The following FSTL5 variants were observed in gnomAD, a reference collection of about 807,000 sequenced individuals.
FSTL5 encodes the protein follistatin-related protein 5.
In FSTL5, 62 loss-of-function variants were observed where a neutral mutation model predicts 89.1. The ratio of observed to expected loss-of-function variants is 0.70; its 90% confidence interval spans 0.57 to 0.86. The LOEUF is 0.86. Ranked by LOEUF, FSTL5 falls within the 40% of genes least tolerant of loss-of-function variation. FSTL5 has a pLI of 0.00. For missense variants in FSTL5, 1,057 were observed against 1,001.6 expected (o/e 1.06, Z -0.75); for synonymous variants, 383 against 346.2 (o/e 1.11, Z -1.18).
At chr4:162,048,273 G>A (rs1419848000) in intron 2 of FSTL5, among the ~76,000 whole-genome samples, 1 of 152,110 alleles carries the variant, frequency 6.6e-6, no homozygotes, top group East Asian at 1.9e-4. Flanking sequence ...GTTGCAGTGA[G>A]CGGCGATGGT....
At chr4:161,446,947 G>C (rs1732966408) in intron 15 of FSTL5, among the ~76,000 whole-genome samples, 1 of 151,718 alleles carries the variant, frequency 6.6e-6, no homozygotes, top group South Asian at 2.1e-4. Context: ...TCATATGTAA[G>C]ACAGAAAAAA....
intron 5 of FSTL5, among the ~76,000 whole-genome samples, chr4:161,766,819 C>T (rs556541501): frequency 6.6e-6 from 1 of 151,954 alleles, no homozygotes; most frequent in South Asian, 2.1e-4. Flanking sequence ...CCAAGCAAGT[C>T]GTTTTCCAGA....
intron 4 of FSTL5, among the ~76,000 whole-genome samples, chr4:161,883,795 T>C (rs1273099007): frequency 3.9e-5 from 6 of 152,294 alleles, no homozygotes; most frequent in Middle Eastern, 3.4e-3. Flanking sequence ...ATTCATCTAA[T>C]GATGTTACCG....
chr4:161,863,969 T>A (rs1444790709), intron 4 of FSTL5, among the ~76,000 whole-genome samples: 1 of 152,232 alleles, frequency 6.6e-6, no homozygotes, highest in Non-Finnish European at 1.5e-5. Flanking sequence ...TGTCTATTGT[T>A]TTTGTTGACA....
At chr4:161,640,422 G>A (rs754367659) in intron 7 of FSTL5, among the ~76,000 whole-genome samples, 4 of 152,104 alleles carry the variant, frequency 2.6e-5, no homozygotes, top group Admixed American at 6.5e-5. Flanking sequence ...TGTGAAGAAC[G>A]TGAAGAAAAG....
At chr4:161,815,853 C>T (rs573753179) in intron 4 of FSTL5, among the ~76,000 whole-genome samples, 61 of 152,052 alleles carry the variant, frequency 4.0e-4, no homozygotes, top group Middle Eastern at 3.4e-3. Context: ...ACCTAATATG[C>T]TATTGAAGGA....
chr4:161,730,310 T>C (rs529725107), intron 6 of FSTL5, among the ~76,000 whole-genome samples: 2 of 152,266 alleles, frequency 1.3e-5, no homozygotes, highest in South Asian at 2.1e-4. Context: ...ATGAGTTGTT[T>C]TGAGTCAGTG....
At chr4:161,591,620 T>C (rs369536784) in intron 7 of FSTL5, among the ~76,000 whole-genome samples, 1 of 152,184 alleles carries the variant, frequency 6.6e-6, no homozygotes, top group Admixed American at 6.5e-5. Flanking sequence ...GAAAGAATAA[T>C]TGACATATTT....
intron 4 of FSTL5, among the ~76,000 whole-genome samples, chr4:161,794,808 T>G (rs1729580910): frequency 6.6e-6 from 1 of 152,138 alleles, no homozygotes; most frequent in Non-Finnish European, 1.5e-5. Flanking sequence ...CAATTAAGTT[T>G]TAAGACATAG....
rs542573835 is a variant in FSTL5 at position 161,633,695 on chromosome 4, C to T, written c.894+22633G>A. ...TTAAGAGTATATCTTTCTAAAATAT[C>T]ATGCTAGAGTGTTTAGTAACTAGAT... On this transcript the variant is annotated intron_variant, in intron 7 of 15. Coordinates refer to ENST00000306100, the MANE Select transcript of FSTL5 (RefSeq NM_020116.5). 7.2e-4 allele frequency among the ~76,000 whole-genome samples: 110 copies of T among 152,140 alleles called. 1 individual carries two copies. Among genetic ancestry groups the T allele is most frequent in the Admixed American group, 7.1e-3 (108 of 15,272 alleles).
chr4:161,411,086 G>A (rs562996485), intron 15 of FSTL5, among the ~76,000 whole-genome samples: 2 of 145,248 alleles, frequency 1.4e-5, no homozygotes, highest in East Asian at 4.2e-4. Context: ...AGAAATTCTA[G>A]AAGAAATGAA....
chr4:161,437,562 T>A (rs1332909368), intron 15 of FSTL5, among the ~76,000 whole-genome samples: 2 of 9,482 alleles, frequency 2.1e-4, no homozygotes, highest in Non-Finnish European at 4.4e-4. Flanking sequence ...TGAGACTCCG[T>A]CTCAAAAAAA....
At chr4:161,388,207 T>C (rs1031754214) in intron 15 of FSTL5, 1 of 152,100 alleles carries the variant, frequency 6.6e-6, no homozygotes, top group African/African-American at 2.4e-5. Flanking sequence ...TGTAGCTTAT[T>C]TGCTAACTGT....
chr4:162,112,168 C>T (rs1020608215), intron 1 of FSTL5, among the ~76,000 whole-genome samples: 3 of 152,136 alleles, frequency 2.0e-5, no homozygotes, highest in Admixed American at 6.6e-5. Flanking sequence ...CGCCAACACA[C>T]CTCCTTCCCT....
chr4:161,785,015 T>A (rs532599987), intron 4 of FSTL5, among the ~76,000 whole-genome samples: 119 of 152,284 alleles, frequency 7.8e-4, no homozygotes, highest in Admixed American at 2.2e-3. Context: ...GGCACTGTTG[T>A]GTTTTACAGA....
rs1730117058 is a variant in FSTL5, at chr4:161,497,259, TA to T, written c.1458+2756del. On this transcript the variant is annotated intron_variant, in intron 12 of 15. Transcript: ENST00000306100. ...AGGAATGAAAAATGACAGAGTAATATAAAATGAGTTTAATTTACTCTAGCCT... is the reference window on the plus strand; with the variant it reads ...AGGAATGAAAAATGACAGAGTAATATAAATGAGTTTAATTTACTCTAGCCT... 2.6e-5 allele frequency among the ~76,000 whole-genome samples: 4 copies of T among 152,098 alleles called. No individual in the cohort carries two copies. The South Asian group carries it at 8.3e-4, about 31-fold the overall frequency.
At chr4:161,704,967 C>T (rs1047910419) in intron 6 of FSTL5, among the ~76,000 whole-genome samples, 3 of 151,976 alleles carry the variant, frequency 2.0e-5, no homozygotes, top group African/African-American at 7.2e-5. Context: ...ATTTTTAAAA[C>T]CCTGACATCT....
chr4:161,679,265 T>TTG (rs1329145946), intron 6 of FSTL5, among the ~76,000 whole-genome samples: 1 of 151,770 alleles, frequency 6.6e-6, no homozygotes, highest in African/African-American at 2.4e-5. Flanking sequence ...AAACATAATG[T>TTG]TCACAAATGA....
chr4:161,730,474 A>G (rs974369254), intron 6 of FSTL5, among the ~76,000 whole-genome samples: 4 of 151,598 alleles, frequency 2.6e-5, no homozygotes, highest in Non-Finnish European at 4.4e-5. Context: ...ATTATTTTTA[A>G]TTTTATTTGT....
Sources: allele counts gnomAD v4.1 joint callset (sites outside exome capture counted in the v4.1 genomes callset), GRCh38; gene constraint gnomAD v4.1.1; transcripts MANE v1.5; gene names NCBI Gene and HGNC (gene_info 2026-07-23, HGNC 2026-07-21).